The following KCNH2 variants were observed in gnomAD, a reference collection of about 807,000 sequenced individuals.
KCNH2 encodes the protein voltage-gated inwardly rectifying potassium channel KCNH2.
Under a neutral mutation model 95.9 loss-of-function variants are expected in KCNH2, and 35 were observed. The ratio of observed to expected loss-of-function variants is 0.37; its 90% CI spans 0.28 to 0.48. The LOEUF (loss-of-function observed/expected upper bound fraction) is 0.48. Ranked by LOEUF, KCNH2 falls within the 20% of genes least tolerant of loss-of-function variation. The probability of loss-of-function intolerance (pLI) is 0.99; values close to 1 mark genes in which losing one functional copy is unlikely to be tolerated. For missense variants in KCNH2, 1,274 were observed against 1,702.9 expected (o/e 0.75, Z 4.43); for synonymous variants, 786 against 754.7 (o/e 1.04, Z -0.68).
intron 2 of KCNH2, among the ~76,000 whole-genome samples, chr7:150,966,336 T>G: frequency 6.8e-6 from 1 of 147,846 alleles, no homozygotes; most frequent in Non-Finnish European, 1.5e-5. Flanking sequence ...CTGCCATGAG[T>G]CACAGCTTAA....
At chr7:150,975,901 C>G (rs1490768766) in intron 1 of KCNH2, among the ~76,000 whole-genome samples, 4 of 152,192 alleles carry the variant, frequency 2.6e-5, no homozygotes, top group Non-Finnish European at 4.4e-5. Context: ...AGAAAGGGGA[C>G]CTGCCCAGGG....
At chr7:150,948,691 C>A (rs1234164789) in intron 10 of KCNH2, 148 bp from the exon 11 acceptor site, 18 of 1,099,490 alleles carry the variant, frequency 1.6e-5, no homozygotes, top group Non-Finnish European at 2.4e-5. Flanking sequence ...TGATTTTGCC[C>A]CAGGCAAAGA....
chr7:150,948,519 C>T lies in KCNH2; in HGVS notation c.2617G>A (p.Gly873Ser), dbSNP rs41314354. 1.8e-4 allele frequency: 287 copies of T among 1,613,706 alleles called. 1 individual carries two copies. In the African/African-American group the frequency reaches 2.6e-3, roughly 14 times the overall value. The stretch of plus-strand genomic sequence containing the variant: ...AAGCCACCCTCTAACTCCGTACTGC[C>T]GGGGGAGCCCGGGATCATGTTGGTC... ...RDTNMIPGSP[G>S]STELEGGFSR... is the part of the protein sequence containing the mutation. Residue 873 changes from glycine to serine, a missense_variant, in exon 11 of 15, where the codon GGC (glycine) becomes AGC (serine). By Grantham distance (56) the Gly-to-Ser change is moderately conservative. Coordinates refer to ENST00000262186, the MANE Select transcript of KCNH2 (RefSeq NM_000238.4).
In KCNH2 at chr7:150,947,842, G is replaced by GGCCCC. The variant is rs794728449; in HGVS notation, c.2724_2728dup (p.Pro910ArgfsTer66). 2.0e-6 allele frequency: 3 copies of GGCCCC among 1,525,364 alleles called. No homozygotes were observed. The highest frequency in any genetic ancestry group is 2.6e-6 in the Non-Finnish European group (3 of 1,142,242). The allele number at this position is 1,525,364 out of a possible 1,614,324, so 94.5% of individuals were successfully genotyped here. The stretch of plus-strand genomic sequence containing the variant: ...ACTCGGCCCTGCCCCCGCCCGGCCC[G>GGCCCC]GCCCCAAGGCCGACACCTCCCCTGG... On this transcript the variant is annotated frameshift_variant, in exon 12 of 15. Transcript: ENST00000262186. LOFTEE classifies it high-confidence loss of function.
At chr7:150,970,168 A>C (rs1294688221) in intron 2 of KCNH2, among the ~76,000 whole-genome samples, 1 of 152,190 alleles carries the variant, frequency 6.6e-6, no homozygotes, top group Admixed American at 6.5e-5. Context: ...GGAACGCTTC[A>C]GGGAAATACC....
At position 150,945,266 on chromosome 7, in the gene KCNH2, C is replaced by T. The variant is rs1044919423; in HGVS notation, c.*99G>A. On this transcript the variant is annotated 3_prime_UTR_variant, in exon 15 of 15. Transcript: ENST00000262186. The surrounding 1 kb of genome is among the most constrained non-coding windows in gnomAD (Gnocchi z 5.6). ...AGCTGTGCTTTCGAGTTCCTCTCCCCTTCCACGGTCAGGGCCTCCTGAGCA... is the reference window on the plus strand; with the variant it reads ...AGCTGTGCTTTCGAGTTCCTCTCCCTTTCCACGGTCAGGGCCTCCTGAGCA... The T allele has an allele frequency of 7.4e-7, 1 of 1,343,932 alleles. No individual in the cohort carries two copies. Among genetic ancestry groups the T allele is most frequent in the Middle Eastern group, 2.6e-4 (1 of 3,788 alleles). The allele number at this position is 1,343,932 out of a possible 1,614,324, so 83.3% of individuals were successfully genotyped here.
Position 150,971,267 on chromosome 7 carries a change from C to T in KCNH2, c.307+3444G>A, listed in dbSNP as rs141429994. 7.5e-3 allele frequency among the ~76,000 whole-genome samples: 1,145 copies of T among 152,208 alleles called. 7 individuals are homozygous for T. Among genetic ancestry groups the T allele is most frequent in the African/African-American group, 0.026 (1,073 of 41,524 alleles). On this transcript the variant is annotated intron_variant, in intron 2 of 14. Transcript: ENST00000262186. ...CACTGGGGAGGCTGGGTTCCAAGGCCGGGGACAGACCGAAGCCCACTGGGC... is the reference window on the plus strand; with the variant it reads ...CACTGGGGAGGCTGGGTTCCAAGGCTGGGGACAGACCGAAGCCCACTGGGC...
At chr7:150,966,217 C>G (rs1801697771) in intron 2 of KCNH2, among the ~76,000 whole-genome samples, 1 of 152,196 alleles carries the variant, frequency 6.6e-6, no homozygotes, top group Non-Finnish European at 1.5e-5. Flanking sequence ...ACTCTGGGGT[C>G]TCCTCTAGTG....
intron 9 of KCNH2, chr7:150,949,676 G>A (rs999130280): frequency 8.7e-7 from 1 of 1,145,458 alleles, no homozygotes; most frequent in Non-Finnish European, 1.1e-6. Flanking sequence ...CAGGCAAAGG[G>A]GGAGGAAGTC....
intron 3 of KCNH2, among the ~76,000 whole-genome samples, chr7:150,959,362 C>T (rs1801487821): frequency 6.6e-6 from 1 of 152,198 alleles, no homozygotes; most frequent in African/African-American, 2.4e-5. Flanking sequence ...ATTCTGGGCC[C>T]TGTCATTCCA....
chr7:150,968,452 T>A (rs1801759536), intron 2 of KCNH2, among the ~76,000 whole-genome samples: 1 of 152,208 alleles, frequency 6.6e-6, no homozygotes, highest in Non-Finnish European at 1.5e-5. Flanking sequence ...CAGCTGGACT[T>A]AAAGCACATT....
Position 150,952,236 on chromosome 7 carries a change from A to G in KCNH2, c.1557+189T>C, listed in dbSNP as rs547198763. On this transcript the variant is annotated intron_variant, in intron 6 of 14. Transcript: ENST00000262186. This position sits in a 1 kb window ranked among gnomAD's most constrained non-coding sequence, Gnocchi z 7.3. ...GAGCTTGTGTGGAGAGAAGGAGCAT[A>G]GGTTTGCTGGGGTACCCACCTTGCC... Among the ~76,000 whole-genome samples the G allele has an allele frequency of 2.0e-5, 3 of 152,300 alleles. No homozygotes were observed. The East Asian group carries it at 5.8e-4, about 29-fold the overall frequency.
intron 9 of KCNH2, chr7:150,949,616 CGAAA>C (rs1159289262): frequency 9.2e-7 from 1 of 1,083,094 alleles, no homozygotes; most frequent in African/African-American, 1.7e-5. Context: ...CAACTATGGT[CGAAA>C]GAGCTTGCTA....
chr7:150,953,058 C>T (rs1424859461), intron 5 of KCNH2, among the ~76,000 whole-genome samples: 1 of 152,180 alleles, frequency 6.6e-6, no homozygotes, highest in Non-Finnish European at 1.5e-5. Flanking sequence ...CCACACAGCA[C>T]AGGACTGGCT....
At chr7:150,968,380 T>C (rs997307316) in intron 2 of KCNH2, among the ~76,000 whole-genome samples, 3 of 152,120 alleles carry the variant, frequency 2.0e-5, no homozygotes, top group Non-Finnish European at 4.4e-5. Flanking sequence ...AGTGGGTGGG[T>C]GAAGCGTGGC....
intron 2 of KCNH2, among the ~76,000 whole-genome samples, chr7:150,974,022 C>T (rs915652770): frequency 6.6e-6 from 1 of 152,244 alleles, no homozygotes; most frequent in African/African-American, 2.4e-5. Flanking sequence ...AGCCCCACCC[C>T]GGGCTCTGTT....
chr7:150,948,461 C>A lies in KCNH2; in HGVS notation c.2675G>T (p.Arg892Leu), dbSNP rs774216337. The change falls in exon 11 of 15, where the codon CGC (arginine) becomes CTC (leucine). Residue 892 changes from arginine (R) to leucine (L), a missense_variant. Physicochemically the swap from Arg to Leu is moderately radical, Grantham distance 102. Around this residue, in one of 7 missense-constraint regions of KCNH2, gnomAD observed 457 missense variants for 416.1 expected, o/e 1.10. Coordinates refer to ENST00000262186, the MANE Select transcript of KCNH2 (RefSeq NM_000238.4). ...CGCCTCACCCTTGTCCGTGCGCCTGCGGAAGGACAACTTGCGCTTGCGTTG... is the reference window on the plus strand; with the variant it reads ...CGCCTCACCCTTGTCCGTGCGCCTGAGGAAGGACAACTTGCGCTTGCGTTG... Reference protein sequence around the residue: ...SRQRKRKLSFRRRTDKDTEQP... With the variant: ...SRQRKRKLSFLRRTDKDTEQP... 1 of 1,589,898 alleles carries A rather than the reference C, an allele frequency of 6.3e-7. No homozygotes were observed. The highest frequency in any genetic ancestry group is 1.7e-5 in the Admixed American group (1 of 59,494).
intron 12 of KCNH2, 38 bp downstream of exon 12, chr7:150,947,568 C>G (rs370054560): frequency 1.9e-6 from 3 of 1,607,748 alleles, no homozygotes; most frequent in Non-Finnish European, 2.5e-6. Flanking sequence ...ACCGCTGCCA[C>G]GCCCGGTCCT....
intron 5 of KCNH2, chr7:150,955,810 C>T (rs1258952897): frequency 1.7e-6 from 2 of 1,142,854 alleles, no homozygotes; most frequent in African/African-American, 3.2e-5. Flanking sequence ...CACTCGGAAC[C>T]TCAGCTCCTC....
Sources: allele counts gnomAD v4.1 joint callset (sites outside exome capture counted in the v4.1 genomes callset), GRCh38; gene constraint gnomAD v4.1.1; regional missense constraint gnomAD v4.1.1; non-coding constraint Gnocchi (gnomAD v3.1); transcripts MANE v1.5; gene names NCBI Gene and HGNC (gene_info 2026-07-23, HGNC 2026-07-21).